The following FSHR variants were observed in gnomAD, a reference collection of about 807,000 sequenced individuals.
The protein encoded by FSHR is follicle stimulating hormone receptor.
In FSHR, 46 loss-of-function variants were observed where a neutral mutation model predicts 52.1. The ratio of observed to expected loss-of-function variants is 0.88; its 90% CI spans 0.70 to 1.13. FSHR has a LOEUF of 1.13. FSHR is among the 50% of genes most tolerant of loss of function. FSHR has a pLI of 0.00. For synonymous variants in FSHR, 399 were observed against 309.6 expected (o/e 1.29, Z -3.03); for missense variants, 964 against 834.6 (o/e 1.16, Z -1.91).
chr2:48,968,548 G>T, intron 9 of FSHR, 150 bp downstream of exon 9: 1 of 883,740 alleles, frequency 1.1e-6, no homozygotes, highest in Non-Finnish European at 1.8e-6. Flanking sequence ...CACTCTCCAT[G>T]AACTGAATTT....
intron 1 of FSHR, among the ~76,000 whole-genome samples, chr2:49,090,152 T>C (rs993441417): frequency 1.3e-5 from 2 of 150,496 alleles, no homozygotes; most frequent in South Asian, 2.1e-4. Flanking sequence ...TGTGTGTGTG[T>C]GCATGTGTGT....
chr2:48,968,555 AT>A, intron 9 of FSHR, 142 bp downstream of exon 9: 1 of 958,904 alleles, frequency 1.0e-6, no homozygotes, highest in Non-Finnish European at 1.6e-6. Flanking sequence ...CATGAACTGA[AT>A]TTTTGACCCA....
rs186945370 is a variant in FSHR at position 49,051,341 on chromosome 2, C to T, written c.224+16878G>A. ...AGTTCCAGTTGCTTCACAGCCTCAC[C>T]AGTAACCTACTATTATCAGCTTTTA... On this transcript the variant is annotated intron_variant, in intron 2 of 9. Transcript: ENST00000406846. Among the ~76,000 whole-genome samples the T allele has an allele frequency of 1.8e-4, 27 of 152,236 alleles. No individual in the cohort carries two copies. The East Asian group carries it at 5.2e-3, about 29-fold the overall frequency.
At chr2:49,112,286 T>C (rs1003233113) in intron 1 of FSHR, among the ~76,000 whole-genome samples, 6 of 152,234 alleles carry the variant, frequency 3.9e-5, no homozygotes, top group African/African-American at 1.4e-4. Context: ...GCCATTTTTT[T>C]CCCTAGTAGA....
intron 1 of FSHR, among the ~76,000 whole-genome samples, chr2:49,103,361 A>G (rs1035933978): frequency 1.3e-5 from 2 of 152,182 alleles, no homozygotes; most frequent in East Asian, 1.9e-4. Flanking sequence ...GCACTGGCAA[A>G]TCTCTCACAA....
At chr2:49,154,214 G>C in intron 1 of FSHR, 52 bp downstream of exon 1, 1 of 1,551,744 alleles carries the variant, frequency 6.4e-7, no homozygotes, top group Non-Finnish European at 8.9e-7. Flanking sequence ...ATAATAGTAC[G>C]CAATGCACAA....
At chr2:49,133,800 C>CA (rs1025502049) in intron 1 of FSHR, among the ~76,000 whole-genome samples, 3 of 151,234 alleles carry the variant, frequency 2.0e-5, no homozygotes, top group Admixed American at 6.6e-5. Flanking sequence ...ACAAACCTGA[C>CA]AAAAAAAAGC....
At chr2:49,051,679 T>A (rs933113601) in intron 2 of FSHR, among the ~76,000 whole-genome samples, 1 of 152,094 alleles carries the variant, frequency 6.6e-6, no homozygotes, top group African/African-American at 2.4e-5. Context: ...CTTTTTTTAT[T>A]GTCTTTTGAA....
At chr2:49,104,522 T>G (rs527810286) in intron 1 of FSHR, among the ~76,000 whole-genome samples, 1 of 152,176 alleles carries the variant, frequency 6.6e-6, no homozygotes, top group Admixed American at 6.5e-5. Flanking sequence ...AAAATGTTCT[T>G]GTTCAGTCTT....
At chr2:49,109,685 C>T (rs1159850763) in intron 1 of FSHR, among the ~76,000 whole-genome samples, 1 of 152,160 alleles carries the variant, frequency 6.6e-6, no homozygotes, top group Non-Finnish European at 1.5e-5. Context: ...GCATCTACCA[C>T]AAGCCTGCAT....
intron 2 of FSHR, among the ~76,000 whole-genome samples, chr2:49,051,728 A>C (rs1279971956): frequency 6.6e-6 from 1 of 152,000 alleles, no homozygotes; most frequent in Non-Finnish European, 1.5e-5. Context: ...CCAAAATAAC[A>C]CTTTTATTTT....
At chr2:49,130,276 G>A (rs17038315) in intron 1 of FSHR, among the ~76,000 whole-genome samples, 22,852 of 152,124 alleles carry the variant, frequency 0.15, 1,723 homozygotes, top group Middle Eastern at 0.24. Flanking sequence ...GGTGAGCCCA[G>A]TTATTTGCCT....
At chr2:49,085,223 A>G (rs1670329759) in intron 1 of FSHR, among the ~76,000 whole-genome samples, 1 of 152,260 alleles carries the variant, frequency 6.6e-6, no homozygotes. Flanking sequence ...TCCAGCATAT[A>G]AACAGAACCA....
intron 1 of FSHR, among the ~76,000 whole-genome samples, chr2:49,099,254 A>G (rs1166822660): frequency 6.6e-6 from 1 of 152,104 alleles, no homozygotes; most frequent in Non-Finnish European, 1.5e-5. Flanking sequence ...TGGTTTCCCC[A>G]TACTGTTCTC....
chr2:49,087,319 AAAG>A (rs1456588935), intron 1 of FSHR, among the ~76,000 whole-genome samples: 1 of 152,052 alleles, frequency 6.6e-6, no homozygotes, highest in Non-Finnish European at 1.5e-5. Flanking sequence ...ATATAACAGT[AAAG>A]AAGAAGAGCA....
At chr2:48,968,625 CAGAT>C in intron 9 of FSHR, 69 bp downstream of exon 9, 1 of 1,544,702 alleles carries the variant, frequency 6.5e-7, no homozygotes, top group Non-Finnish European at 8.9e-7. Flanking sequence ...CTTCATGTCA[CAGAT>C]AGGTAGAAAT....
At chr2:48,995,897 C>T (rs1300692137) in intron 4 of FSHR, among the ~76,000 whole-genome samples, 2 of 152,058 alleles carry the variant, frequency 1.3e-5, no homozygotes, top group South Asian at 2.1e-4. Context: ...ATGGAATGAT[C>T]GATTCTGAGA....
chr2:49,135,371 G>A (rs1256861509), intron 1 of FSHR, among the ~76,000 whole-genome samples: 1 of 151,830 alleles, frequency 6.6e-6, no homozygotes, highest in Non-Finnish European at 1.5e-5. Flanking sequence ...AATAACAAAT[G>A]GATACATTTT....
At chr2:48,996,452 A>T (rs1676026464) in intron 4 of FSHR, among the ~76,000 whole-genome samples, 1 of 152,172 alleles carries the variant, frequency 6.6e-6, no homozygotes, top group African/African-American at 2.4e-5. Context: ...TGATCAATAT[A>T]CAACCATGTT....
Sources: gnomAD v4.1 joint callset for allele counts (sites outside exome capture counted in the v4.1 genomes callset) on GRCh38, gnomAD v4.1.1 for gene constraint, MANE v1.5 for transcripts, NCBI Gene and HGNC (gene_info 2026-07-23, HGNC 2026-07-21) for gene names.